The following CYTH4 variants were observed in gnomAD, a reference collection of about 807,000 sequenced individuals.
CYTH4 encodes the protein cytohesin 4.
A neutral mutation model predicts 57.5 loss-of-function variants in CYTH4; 22 were observed. The ratio of observed to expected loss-of-function variants is 0.38; its 90% CI spans 0.27 to 0.55. The LOEUF is 0.55. CYTH4 is among the 20% of genes least tolerant of loss of function. The pLI is 0.74. For synonymous variants in CYTH4, 186 were observed against 206.5 expected (o/e 0.90, Z 0.85); for missense variants, 420 against 535.6 (o/e 0.78, Z 2.13).
intron 1 of CYTH4, among the ~76,000 whole-genome samples, chr22:37,284,782 A>G (rs1408578900): frequency 6.6e-6 from 1 of 152,076 alleles, no homozygotes; most frequent in East Asian, 1.9e-4. Flanking sequence ...TCCTCTCCTG[A>G]GGTGGGCCTG....
At chr22:37,286,861 G>C (rs1459702775) in intron 1 of CYTH4, among the ~76,000 whole-genome samples, 1 of 152,140 alleles carries the variant, frequency 6.6e-6, no homozygotes, top group Admixed American at 6.5e-5. Flanking sequence ...TGGGAAACTG[G>C]ACCAGAATGG....
intron 1 of CYTH4, 127 bp downstream of exon 1, chr22:37,282,715 C>T: frequency 1.2e-6 from 1 of 859,796 alleles, no homozygotes; most frequent in Non-Finnish European, 1.8e-6. Context: ...CTGCAAGAAG[C>T]AAACATTTGT....
intron 1 of CYTH4, among the ~76,000 whole-genome samples, chr22:37,285,535 C>T (rs1472471023): frequency 4.0e-5 from 6 of 151,842 alleles, no homozygotes; most frequent in Admixed American, 1.3e-4. Flanking sequence ...GTGAAACCCC[C>T]GTCTCTACTA....
Position 37,311,806 on chromosome 22 carries a change from C to T in CYTH4, c.958-214C>T. On this transcript the variant is annotated intron_variant, in intron 11 of 12. Coordinates refer to ENST00000248901, the MANE Select transcript of CYTH4 (RefSeq NM_013385.5). This position sits in a 1 kb window ranked among gnomAD's most constrained non-coding sequence, Gnocchi z 4.4. ...CCACTCCATTCAGAACCTCAGTGAG[C>T]CCACATGTCACGTGGGGACTTTAGG... The T allele has an allele frequency of 7.2e-6, 5 of 698,790 alleles. No homozygotes were observed. The highest frequency in any genetic ancestry group is 1.2e-5 in the Non-Finnish European group (5 of 426,802). The allele number at this position is 698,790 out of a possible 1,614,324, so 43.3% of individuals were successfully genotyped here.
chr22:37,290,245 G>A (rs1440926755), intron 1 of CYTH4, among the ~76,000 whole-genome samples: 2 of 152,170 alleles, frequency 1.3e-5, no homozygotes, highest in African/African-American at 4.8e-5. Context: ...TCAGTCTTGA[G>A]CGCTGATGTC....
intron 1 of CYTH4, among the ~76,000 whole-genome samples, chr22:37,291,554 G>C (rs1276591428): frequency 4.6e-5 from 7 of 152,228 alleles, no homozygotes. Context: ...CAAACATGGG[G>C]AAGTGGGACT....
intron 1 of CYTH4, among the ~76,000 whole-genome samples, chr22:37,288,094 C>A (rs1256866598): frequency 6.6e-6 from 1 of 152,120 alleles, no homozygotes; most frequent in Non-Finnish European, 1.5e-5. Flanking sequence ...GCCTGGCCAA[C>A]ATAGTGAAAC....
intron 7 of CYTH4, among the ~76,000 whole-genome samples, chr22:37,301,360 G>A (rs1318108385): frequency 6.6e-6 from 1 of 152,180 alleles, no homozygotes; most frequent in Non-Finnish European, 1.5e-5. Flanking sequence ...AGGATGAGTA[G>A]GAGTTTTCCA....
chr22:37,292,825 A>G lies in CYTH4; in HGVS notation c.102+122A>G, dbSNP rs1928799875. Reference sequence around the variant, plus strand: ...AGTGTGGCCAACTCTGGCTCATATCAGCCTCGGCCCCAGCCCCAGGAGCAG... The same window carrying G: ...AGTGTGGCCAACTCTGGCTCATATCGGCCTCGGCCCCAGCCCCAGGAGCAG... On this transcript the variant is annotated intron_variant, in intron 2 of 12. Transcript: ENST00000248901. 4.0e-5 allele frequency: 37 copies of G among 922,966 alleles called. 1 individual carries two copies. The South Asian group carries it at 6.0e-4, about 15-fold the overall frequency. The allele number at this position is 922,966 out of a possible 1,614,324, so 57.2% of individuals were successfully genotyped here.
Position 37,282,592 on chromosome 22 carries a change from A to T in CYTH4, c.19+4A>T. On this transcript the variant is annotated splice_donor_region_variant and intron_variant, in intron 1 of 12. Transcript: ENST00000248901. Reference sequence around the variant, plus strand: ...GGAATGGACCTGTGCCACCCAGGTAAGCAACTGCCGTCAACCTCTCTGGGC... The same window carrying T: ...GGAATGGACCTGTGCCACCCAGGTATGCAACTGCCGTCAACCTCTCTGGGC... 6.2e-7 allele frequency: 1 copy of T among 1,611,850 alleles called. No individual in the cohort carries two copies. The highest frequency in any genetic ancestry group is 8.5e-7 in the Non-Finnish European group (1 of 1,179,028).
At chr22:37,300,215 A>C (rs1929129874) in intron 6 of CYTH4, 1 of 717,424 alleles carries the variant, frequency 1.4e-6, no homozygotes, top group Non-Finnish European at 2.6e-6. Flanking sequence ...AATACAGAGA[A>C]GGAAGAAGCC....
rs1307090781 is a variant in CYTH4 at position 37,295,992 on chromosome 22, T to C, written c.168-7T>C. ...GGCAGCCCAAGCTGACGTCCTCATG[T>C]CCACAGCCGGATGGCCCAGAAGGAG... On this transcript the variant is annotated splice_region_variant and splice_polypyrimidine_tract_variant and intron_variant, in intron 3 of 12. Transcript: ENST00000248901. This position sits in a 1 kb window ranked among gnomAD's most constrained non-coding sequence, Gnocchi z 4.1. 6.2e-7 allele frequency: 1 copy of C among 1,611,982 alleles called. No homozygotes were observed. The highest frequency in any genetic ancestry group is 1.7e-5 in the Admixed American group (1 of 59,784).
intron 8 of CYTH4, among the ~76,000 whole-genome samples, chr22:37,308,483 C>T (rs570368505): frequency 9.9e-5 from 15 of 151,118 alleles, no homozygotes; most frequent in East Asian, 3.9e-4. Context: ...TATGTGTGTA[C>T]GTGTGCATGT....
chr22:37,292,062 A>G (rs1012586607), intron 1 of CYTH4: 22 of 152,732 alleles, frequency 1.4e-4, no homozygotes, highest in Admixed American at 1.2e-3. Flanking sequence ...CCACCCTGCT[A>G]CAGGCTCATT....
intron 7 of CYTH4, among the ~76,000 whole-genome samples, chr22:37,302,816 G>T (rs1013150394): frequency 3.9e-5 from 6 of 152,216 alleles, no homozygotes; most frequent in African/African-American, 1.4e-4. Context: ...ACGCCAGCAA[G>T]ATTACAGAGC....
chr22:37,304,052 G>T, intron 8 of CYTH4: 2 of 414,166 alleles, frequency 4.8e-6, no homozygotes, highest in South Asian at 1.7e-5. Context: ...CTGGCTGTGG[G>T]GATGGAGCTC....
At chr22:37,284,948 G>C (rs1025847069) in intron 1 of CYTH4, among the ~76,000 whole-genome samples, 2 of 86,832 alleles carry the variant, frequency 2.3e-5, no homozygotes, top group African/African-American at 3.3e-5. Flanking sequence ...CTGGGGCGGT[G>C]GGGGGGCGGC....
chr22:37,300,575 C>T (rs1205410974), intron 6 of CYTH4, among the ~76,000 whole-genome samples: 1 of 152,242 alleles, frequency 6.6e-6, no homozygotes, highest in East Asian at 1.9e-4. Flanking sequence ...GGCCCAAAGG[C>T]CAGGTGCGGG....
intron 1 of CYTH4, among the ~76,000 whole-genome samples, chr22:37,284,752 GC>G (rs1402214881): frequency 6.6e-6 from 1 of 152,120 alleles, no homozygotes; most frequent in African/African-American, 2.4e-5. Flanking sequence ...TGACTCAGGG[GC>G]CCCCAGGGCT....
Sources: gnomAD v4.1 joint callset for allele counts (sites outside exome capture counted in the v4.1 genomes callset) on GRCh38, gnomAD v4.1.1 for gene constraint, Gnocchi (gnomAD v3.1) non-coding constraint, MANE v1.5 for transcripts, NCBI Gene and HGNC (gene_info 2026-07-23, HGNC 2026-07-21) for gene names.